Variants in IL1RAPL2 observed in about 807,000 individuals in gnomAD.
IL1RAPL2 encodes the protein interleukin 1 receptor accessory protein like 2, also known as X-linked interleukin-1 receptor accessory protein-like 2.
A neutral mutation model predicts 44.1 loss-of-function variants in IL1RAPL2; 3 were observed. That is an observed-to-expected ratio of 0.07 (90% CI 0.03 to 0.18). The LOEUF (loss-of-function observed/expected upper bound fraction) is 0.18. Ranked by LOEUF, IL1RAPL2 falls within the 10% of genes least tolerant of loss-of-function variation. The pLI, the probability that IL1RAPL2 is intolerant of heterozygous loss-of-function variation, is 1.00. For missense variants in IL1RAPL2, 391 were observed against 496.4 expected (o/e 0.79, Z 2.02); for synonymous variants, 181 against 178.8 (o/e 1.01, Z -0.10).
At chrX:105,576,373 A>G (rs1387414045) in intron 6 of IL1RAPL2, among the ~76,000 whole-genome samples, 1 of 111,590 alleles carries the variant, frequency 9.0e-6, no homozygotes, top group Non-Finnish European at 1.9e-5. Flanking sequence ...TCTTCTGCAT[A>G]TGCCTAGCCA....
At chrX:104,845,547 A>T (rs1355372548) in intron 2 of IL1RAPL2, among the ~76,000 whole-genome samples, 1 of 112,353 alleles carries the variant, frequency 8.9e-6, no homozygotes, top group Non-Finnish European at 1.9e-5. Flanking sequence ...AGGATCAATA[A>T]CAAGGGTGGC....
intron 3 of IL1RAPL2, among the ~76,000 whole-genome samples, chrX:105,200,915 C>CCACACACA (rs61216729): frequency 1.9e-5 from 2 of 104,329 alleles, no homozygotes; most frequent in African/African-American, 7.0e-5. Flanking sequence ...CGTTTCACAC[C>CCACACACA]CACACACACA....
chrX:104,868,862 T>C (rs2147651210), intron 2 of IL1RAPL2, among the ~76,000 whole-genome samples: 1 of 112,543 alleles, frequency 8.9e-6, no homozygotes, highest in East Asian at 2.8e-4. Context: ...TTCCATTCTT[T>C]CTCAGGAAGG....
intron 2 of IL1RAPL2, among the ~76,000 whole-genome samples, chrX:105,034,246 G>A (rs147206880): frequency 8.9e-6 from 1 of 112,195 alleles, no homozygotes; most frequent in African/African-American, 3.2e-5. Context: ...TCTCCATCCA[G>A]CTTTGTTCTG....
At chrX:105,108,669 T>C (rs1302355724) in intron 2 of IL1RAPL2, among the ~76,000 whole-genome samples, 1 of 110,092 alleles carries the variant, frequency 9.1e-6, no homozygotes, top group Non-Finnish European at 1.9e-5. Flanking sequence ...CACCAAAATA[T>C]ACTTTGGCTA....
intron 5 of IL1RAPL2, among the ~76,000 whole-genome samples, chrX:105,421,940 A>G (rs2035776627): frequency 1.8e-5 from 2 of 112,073 alleles, no homozygotes; most frequent in South Asian, 7.3e-4. Flanking sequence ...CAAACTATAG[A>G]AAATAATAAA....
In IL1RAPL2 at chrX:105,406,633, A is replaced by G. The variant is rs188927820; in HGVS notation, c.698-77680A>G. The G allele has an allele frequency of 1.7e-5, 20 of 1,153,843 alleles. No individual in the cohort carries two copies. The Admixed American group carries it at 3.7e-4, about 21-fold the overall frequency. On this transcript the variant is annotated intron_variant, in intron 5 of 10. Transcript: ENST00000372582. ...AATTTAAGCCGCTGTAATCTTGCACAGGCAAATCTTTGCTGTGCAAATCTT... is the reference window on the plus strand; with the variant it reads ...AATTTAAGCCGCTGTAATCTTGCACGGGCAAATCTTTGCTGTGCAAATCTT...
At chrX:105,253,529 A>G (rs2034288245) in intron 4 of IL1RAPL2, among the ~76,000 whole-genome samples, 1 of 111,016 alleles carries the variant, frequency 9.0e-6, no homozygotes, top group African/African-American at 3.3e-5. Flanking sequence ...TCTGGGAAAT[A>G]TAAAATTTCT....
chrX:104,851,246 A>G (rs1922218094), intron 2 of IL1RAPL2, among the ~76,000 whole-genome samples: 2 of 112,041 alleles, frequency 1.8e-5, no homozygotes, highest in African/African-American at 6.5e-5. Flanking sequence ...CCAAAATGAC[A>G]CCAAAATCAG....
intron 5 of IL1RAPL2, among the ~76,000 whole-genome samples, chrX:105,478,812 G>A (rs1225034103): frequency 9.0e-6 from 1 of 111,631 alleles, no homozygotes; most frequent in East Asian, 2.8e-4. Context: ...GAATACCACC[G>A]GGAAGTTAAT....
intron 1 of IL1RAPL2, among the ~76,000 whole-genome samples, chrX:104,582,665 CTTTTT>C (rs1230557717): frequency 2.5e-5 from 1 of 39,894 alleles, no homozygotes; most frequent in African/African-American, 1.0e-4. Context: ...TCTTTTTTTT[CTTTTT>C]TCTTTCTCTT....
intron 2 of IL1RAPL2, among the ~76,000 whole-genome samples, chrX:104,765,987 G>A (rs1447104848): frequency 2.7e-5 from 3 of 112,081 alleles, no homozygotes; most frequent in Middle Eastern, 4.6e-3. Context: ...GATCTAATGA[G>A]GCCATTCAGG....
intron 1 of IL1RAPL2, among the ~76,000 whole-genome samples, chrX:104,582,618 TTCTTTCTTTCTTTCTTTCTTTCTC>T (rs1569487453): frequency 0.014 from 1,128 of 78,272 alleles, 47 homozygotes; most frequent in African/African-American, 0.061. Flanking sequence ...CTTTCTTTCT[TTCTTTCTTTCTTTCTTTCTTTCTC>T]TCTTTCTTTC....
At chrX:105,180,471 C>A (rs1426412456) in intron 2 of IL1RAPL2, among the ~76,000 whole-genome samples, 3 of 112,014 alleles carry the variant, frequency 2.7e-5, no homozygotes, top group Non-Finnish European at 5.6e-5. Flanking sequence ...GTGGTTTTGT[C>A]ATATATGGCC....
At chrX:105,130,043 A>G (rs1187351662) in intron 2 of IL1RAPL2, among the ~76,000 whole-genome samples, 1 of 111,056 alleles carries the variant, frequency 9.0e-6, no homozygotes, top group Non-Finnish European at 1.9e-5. Flanking sequence ...AGACACATGT[A>G]TTTTGTATTT....
intron 5 of IL1RAPL2, chrX:105,407,084 A>G: frequency 1.6e-6 from 1 of 615,943 alleles, no homozygotes; most frequent in African/African-American, 2.5e-5. Context: ...CAAGATGAAA[A>G]TGTTTTCCTT....
At chrX:104,642,894 C>T (rs969526648) in intron 1 of IL1RAPL2, among the ~76,000 whole-genome samples, 2 of 112,071 alleles carry the variant, frequency 1.8e-5, no homozygotes, top group African/African-American at 3.2e-5. Flanking sequence ...CTGTACCTGA[C>T]ATAACCCTTG....
intron 1 of IL1RAPL2, among the ~76,000 whole-genome samples, chrX:104,617,355 C>G (rs1437914094): frequency 3.6e-5 from 4 of 111,537 alleles, no homozygotes; most frequent in African/African-American, 1.3e-4. Flanking sequence ...GGTGATGTTT[C>G]TTTTGTATAG....
chrX:104,973,913 C>A (rs2030283942), intron 2 of IL1RAPL2, among the ~76,000 whole-genome samples: 3 of 111,985 alleles, frequency 2.7e-5, no homozygotes, highest in African/African-American at 9.7e-5. Flanking sequence ...AATATATTTT[C>A]TGTCAATAGC....
Sources: allele counts gnomAD v4.1 joint callset (sites outside exome capture counted in the v4.1 genomes callset), GRCh38; gene constraint gnomAD v4.1.1; transcripts MANE v1.5; gene names NCBI Gene and HGNC (gene_info 2026-07-23, HGNC 2026-07-21).